CFAP95: variants seen among roughly 807,000 people sequenced by gnomAD.
CFAP95 encodes the protein cilia- and flagella-associated protein 95.
At chr9:69,820,833 A>G in the CFAP95 span, 3 of 1,585,270 alleles carry the variant, frequency 1.9e-6, no homozygotes, top group Admixed American at 5.2e-5. Flanking sequence ...GCCGGGCAGG[A>G]CAGGTGCATA....
the CFAP95 span, among the ~76,000 whole-genome samples, chr9:69,875,542 T>G: frequency 3.3e-5 from 5 of 152,192 alleles, no homozygotes; most frequent in Non-Finnish European, 7.3e-5. Context: ...GGTTTCTATC[T>G]GCTTTACACG....
the CFAP95 span, among the ~76,000 whole-genome samples, chr9:69,872,693 T>C: frequency 6.6e-6 from 1 of 152,074 alleles, no homozygotes; most frequent in Non-Finnish European, 1.5e-5. Flanking sequence ...CTCTAAAAAA[T>C]AGGCCTGGGG....
At chr9:69,861,852 CA>C in the CFAP95 span, among the ~76,000 whole-genome samples, 84,891 of 150,736 alleles carry the variant, frequency 0.56, 24,106 homozygotes, top group East Asian at 0.82. Flanking sequence ...TCAGAGTTAT[CA>C]GAGACTTGAT....
At chr9:69,831,012 T>C in the CFAP95 span, among the ~76,000 whole-genome samples, 3 of 152,218 alleles carry the variant, frequency 2.0e-5, no homozygotes, top group Admixed American at 6.5e-5. Context: ...CTTTATTTCA[T>C]TTGAAATACA....
the CFAP95 span, among the ~76,000 whole-genome samples, chr9:69,821,671 C>A: frequency 6.6e-6 from 1 of 151,944 alleles, no homozygotes; most frequent in South Asian, 2.1e-4. Context: ...ACTTTTCTGG[C>A]CAGAGACTGC....
chr9:69,905,900 C>A, the CFAP95 span: 1 of 1,283,946 alleles, frequency 7.8e-7, no homozygotes, highest in Non-Finnish European at 1.0e-6. Context: ...TTGAAGATTA[C>A]TTCTTTTTAC....
the CFAP95 span, among the ~76,000 whole-genome samples, chr9:69,841,197 T>TATATATATATATATATATATATATATATA: frequency 2.9e-4 from 38 of 131,504 alleles, no homozygotes; most frequent in Non-Finnish European, 5.1e-4. Flanking sequence ...TATATATATA[T>TATATATATATATATATATATATATATATA]TTCTGATTTA....
chr9:69,897,674 C>T, the CFAP95 span, among the ~76,000 whole-genome samples: 35 of 152,094 alleles, frequency 2.3e-4, no homozygotes, highest in African/African-American at 8.2e-4. Flanking sequence ...TATCATTTTA[C>T]CGAAAAAAGG....
chr9:69,874,325 A>G, the CFAP95 span, among the ~76,000 whole-genome samples: 3 of 152,208 alleles, frequency 2.0e-5, no homozygotes, highest in African/African-American at 7.2e-5. Flanking sequence ...CTCTCTGTGA[A>G]AAACCATACG....
the CFAP95 span, among the ~76,000 whole-genome samples, chr9:69,877,246 G>A: frequency 1.3e-5 from 2 of 152,038 alleles, no homozygotes; most frequent in Non-Finnish European, 1.5e-5. Flanking sequence ...CTATATTTAA[G>A]CAGTTCTGCT....
At chr9:69,843,873 C>T in the CFAP95 span, among the ~76,000 whole-genome samples, 1 of 151,642 alleles carries the variant, frequency 6.6e-6, no homozygotes, top group African/African-American at 2.4e-5. Context: ...AGCTTCTAGG[C>T]TCAAGGGATC....
the CFAP95 span, among the ~76,000 whole-genome samples, chr9:69,892,094 CAT>C: frequency 3.3e-5 from 5 of 152,128 alleles, no homozygotes; most frequent in African/African-American, 1.2e-4. Flanking sequence ...ATATGCATAA[CAT>C]AAAATATACA....
At chr9:69,843,603 CTTCTTCTTCTTCTTCTTCTTCTTCTTCCT>C in the CFAP95 span, among the ~76,000 whole-genome samples, 4 of 73,160 alleles carry the variant, frequency 5.5e-5, no homozygotes, top group African/African-American at 3.3e-4. Context: ...TCTTCTTCTT[CTTCTTCTTCTTCTTCTTCTTCTTCTTCCT>C]CCTCCTCCTC....
At chr9:69,845,304 A>G in the CFAP95 span, among the ~76,000 whole-genome samples, 2 of 152,142 alleles carry the variant, frequency 1.3e-5, no homozygotes, top group African/African-American at 4.8e-5. Flanking sequence ...GAGACCCCCA[A>G]ATTGGGTCCT....
chr9:69,905,747 T>G, the CFAP95 span, among the ~76,000 whole-genome samples: 1 of 152,198 alleles, frequency 6.6e-6, no homozygotes, highest in Non-Finnish European at 1.5e-5. Flanking sequence ...AACCATGAAT[T>G]ATATTCTTTT....
chr9:69,834,215 C>G, the CFAP95 span, among the ~76,000 whole-genome samples: 2 of 152,160 alleles, frequency 1.3e-5, no homozygotes, highest in South Asian at 4.1e-4. Flanking sequence ...AAAACTCCCT[C>G]TTTAGCCCTA....
the CFAP95 span, among the ~76,000 whole-genome samples, chr9:69,888,250 G>C: frequency 6.6e-6 from 1 of 152,036 alleles, no homozygotes; most frequent in Non-Finnish European, 1.5e-5. Flanking sequence ...AGGGAAGTAA[G>C]GGGTTTAGGA....
chr9:69,872,354 G>A, the CFAP95 span, among the ~76,000 whole-genome samples: 6 of 152,126 alleles, frequency 3.9e-5, no homozygotes, highest in African/African-American at 1.2e-4. Flanking sequence ...GAAAATCAAA[G>A]CACAAAAATA....
At chr9:69,844,529 A>G in the CFAP95 span, 1 of 1,598,518 alleles carries the variant, frequency 6.3e-7, no homozygotes, top group East Asian at 2.3e-5. Flanking sequence ...ACCGTGACAG[A>G]GAAGCTTTTC....
Sources: gnomAD v4.1 joint callset for allele counts (sites outside exome capture counted in the v4.1 genomes callset) on GRCh38, gnomAD v4.1.1 for gene constraint, MANE v1.5 for transcripts, NCBI Gene and HGNC (gene_info 2026-07-23, HGNC 2026-07-21) for gene names.